NTRK3: variants seen among roughly 807,000 people sequenced by gnomAD.
NTRK3 encodes NT-3 growth factor receptor.
A neutral mutation model predicts 91.7 loss-of-function variants in NTRK3; 24 were observed. The ratio of observed to expected loss-of-function variants is 0.26; its 90% CI spans 0.19 to 0.37. The LOEUF is 0.37. NTRK3 is among the 10% of genes least tolerant of loss of function. The pLI is 1.00. For synonymous variants in NTRK3, 483 were observed against 404.0 expected, an observed-to-expected ratio of 1.20 and a Z score of -2.34; for missense variants, 880 against 1,068.9, an observed-to-expected ratio of 0.82 and a Z score of 2.46.
chr15:88,127,075 T>C, intron 12 of NTRK3, 87 bp downstream of exon 12: 1 of 1,172,662 alleles, frequency 8.5e-7, no homozygotes, highest in South Asian at 1.3e-5. Flanking sequence ...TCAAGTAAGA[T>C]AATATTTGGA....
intron 14 of NTRK3, among the ~76,000 whole-genome samples, chr15:88,028,763 T>C (rs2078267613): frequency 6.6e-6 from 1 of 152,106 alleles, no homozygotes; most frequent in African/African-American, 2.4e-5. Context: ...CCCCAGATGG[T>C]CTCTGTTTTC....
intron 14 of NTRK3, among the ~76,000 whole-genome samples, chr15:87,996,426 C>T (rs1455917859): frequency 1.3e-5 from 2 of 151,892 alleles, no homozygotes; most frequent in African/African-American, 4.8e-5. Context: ...AGGATGGATG[C>T]CAGAGGGATG....
intron 13 of NTRK3, among the ~76,000 whole-genome samples, chr15:88,095,060 ACAC>A (rs763363431): frequency 2.6e-5 from 4 of 152,200 alleles, no homozygotes; most frequent in African/African-American, 7.2e-5. Flanking sequence ...ACTCTGGCGG[ACAC>A]CACAACACCT....
chr15:87,877,207 C>A (rs990627891), intron 18 of NTRK3, 87 bp from the exon 20 acceptor site: 1 of 1,390,802 alleles, frequency 7.2e-7, no homozygotes, highest in South Asian at 1.2e-5. Context: ...AACAACTTCC[C>A]GGATTAGTTT....
At position 87,969,256 on chromosome 15, in the gene NTRK3, C is replaced by T. The variant is rs116980571; in HGVS notation, c.1586-28503G>A. 3.0e-3 allele frequency among the ~76,000 whole-genome samples: 456 copies of T among 152,266 alleles called. 19 individuals carry two copies. In the East Asian group the frequency reaches 0.08, roughly 27 times the overall value. On this transcript the variant is annotated intron_variant, in intron 14 of 18. Coordinates refer to ENST00000394480, the Ensembl canonical transcript of NTRK3. ...CCTTCCGAATCCCTGCTTGAAGAGG[C>T]ACAGGCTGGAAACACCCACAGGGGT...
At chr15:88,093,056 GTTTT>G (rs1054739944) in intron 13 of NTRK3, among the ~76,000 whole-genome samples, 247 of 146,860 alleles carry the variant, frequency 1.7e-3, no homozygotes, top group African/African-American at 5.6e-3. Context: ...TGGCTTTGGG[GTTTT>G]TTTTGTTTTT....
rs531306049 is a variant in NTRK3, at chr15:87,940,613, T to C, written c.1716+10A>G. ...CCTCCTCCTGGTGCCGGCATGCCTC[T>C]GGGGTTTACCTTCACAGCCACAAGC... On this transcript the variant is annotated intron_variant, in intron 15 of 18. Transcript: ENST00000394480. The C allele has an allele frequency of 1.4e-5, 22 of 1,613,496 alleles. No homozygotes were observed. In the South Asian group the frequency reaches 2.4e-4, roughly 18 times the overall value.
chr15:88,067,968 G>C (rs948899632), intron 13 of NTRK3, among the ~76,000 whole-genome samples: 5 of 152,226 alleles, frequency 3.3e-5, no homozygotes, highest in East Asian at 3.9e-4. Flanking sequence ...GTTTTTTACA[G>C]GATCCACATC....
At position 88,136,061 on chromosome 15, in the gene NTRK3, A is replaced by G. The variant is rs1195807061; in HGVS notation, c.766-21T>C. Reference sequence around the variant, plus strand: ...TTGGTCTGAAAACCCCAATAAAAAGATAACAATCAGATAGCTTCTACAAGG... The same window carrying G: ...TTGGTCTGAAAACCCCAATAAAAAGGTAACAATCAGATAGCTTCTACAAGG... On this transcript the variant is annotated intron_variant, in intron 8 of 18. Transcript: ENST00000394480. 4 of 1,614,090 alleles carry G rather than the reference A, an allele frequency of 2.5e-6. No individual in the cohort carries two copies. The South Asian group carries it at 3.3e-5, about 13-fold the overall frequency.
chr15:87,889,587 T>C (rs2065744303), intron 17 of NTRK3, among the ~76,000 whole-genome samples: 1 of 151,872 alleles, frequency 6.6e-6, no homozygotes, highest in Non-Finnish European at 1.5e-5. Context: ...TTCCATATTG[T>C]CTATGATTGC....
At chr15:88,248,322 C>G (rs2053033644) in intron 3 of NTRK3, among the ~76,000 whole-genome samples, 1 of 152,188 alleles carries the variant, frequency 6.6e-6, no homozygotes, top group Non-Finnish European at 1.5e-5. Flanking sequence ...TCCCCCACTA[C>G]TAAGAGGCCT....
chr15:87,916,188 AG>A (rs2067434609), intron 17 of NTRK3: 7 of 253,496 alleles, frequency 2.8e-5, no homozygotes, highest in Non-Finnish European at 3.8e-5. Flanking sequence ...CCCTACCAGG[AG>A]GAAGTCAAGG....
At chr15:87,964,124 G>T (rs553334343) in intron 14 of NTRK3, among the ~76,000 whole-genome samples, 1 of 152,198 alleles carries the variant, frequency 6.6e-6, no homozygotes. Context: ...GTACAAAATA[G>T]AGAAAAAATA....
At chr15:88,170,842 A>G (rs1446989325) in intron 5 of NTRK3, among the ~76,000 whole-genome samples, 24 of 152,160 alleles carry the variant, frequency 1.6e-4, no homozygotes, top group Non-Finnish European at 1.5e-5. Flanking sequence ...TCTGATGATC[A>G]GCAAAGCCTC....
intron 6 of NTRK3, among the ~76,000 whole-genome samples, chr15:88,140,795 C>A (rs192967257): frequency 6.6e-6 from 1 of 152,160 alleles, no homozygotes; most frequent in African/African-American, 2.4e-5. Context: ...GTCTTAGGGC[C>A]CCCCCAGGAC....
chr15:88,220,201 T>C (rs1559826), intron 3 of NTRK3, among the ~76,000 whole-genome samples: 130,058 of 152,196 alleles, frequency 0.85, 55,845 homozygotes, highest in East Asian at 0.98. Context: ...TTGAGCCACA[T>C]GTAGGAACCC....
chr15:88,024,593 C>G (rs761928076), intron 14 of NTRK3, among the ~76,000 whole-genome samples: 20 of 152,076 alleles, frequency 1.3e-4, no homozygotes, highest in Non-Finnish European at 2.2e-4. Flanking sequence ...GGATGTAGGA[C>G]AGATCTAGGA....
chr15:87,953,345 G>A (rs1222229677), intron 14 of NTRK3, among the ~76,000 whole-genome samples: 3 of 152,188 alleles, frequency 2.0e-5, no homozygotes, highest in African/African-American at 7.2e-5. Context: ...AAAGTCATCA[G>A]CAAACACTTA....
intron 14 of NTRK3, among the ~76,000 whole-genome samples, chr15:88,027,100 A>G (rs1442524507): frequency 6.6e-6 from 1 of 152,058 alleles, no homozygotes; most frequent in African/African-American, 2.4e-5. Context: ...GTATATGTCA[A>G]TCACTAGAAG....
Sources: allele counts gnomAD v4.1 joint callset (sites outside exome capture counted in the v4.1 genomes callset), GRCh38; gene constraint gnomAD v4.1.1; transcripts MANE v1.5; gene names NCBI Gene and HGNC (gene_info 2026-07-23, HGNC 2026-07-21).